The following SLC18A2 variants were observed in gnomAD, a reference collection of about 807,000 sequenced individuals.
SLC18A2 encodes solute carrier family 18 member A2, also known as synaptic vesicular amine transporter.
Under a neutral mutation model 59.2 loss-of-function variants are expected in SLC18A2, and 33 were observed. That is an observed-to-expected ratio of 0.56 (90% confidence interval 0.42 to 0.75). The LOEUF (loss-of-function observed/expected upper bound fraction) is 0.75. Among genes scored for constraint, SLC18A2 ranks in the 30% least tolerant of loss-of-function variants. SLC18A2 has a pLI of 0.00. For synonymous variants in SLC18A2, 228 were observed against 253.5 expected, an observed-to-expected ratio of 0.90 and a Z score of 0.95; for missense variants, 569 against 668.6, an observed-to-expected ratio of 0.85 and a Z score of 1.64.
rs1354793907 is a variant in SLC18A2, at chr10:117,254,076, C to T, written c.552C>T (p.Phe184=). 13 of 1,613,664 alleles carry T rather than the reference C, an allele frequency of 8.1e-6. No homozygotes were observed. In the African/African-American group the frequency reaches 1.5e-4, roughly 18 times the overall value. The stretch of plus-strand genomic sequence containing the variant: ...TTGCCTTCTCCAGCAGCTATGCCTT[C>T]CTGCTGATTGCCAGGTCGCTGCAGG... ...IMFAFSSSYA[F]LLIARSLQGI... is the part of the protein sequence containing the mutation. The change falls in exon 5 of 16, where the codon TTC becomes TTT. Residue 184 remains phenylalanine, a synonymous_variant. Coordinates refer to ENST00000644641, the MANE Select transcript of SLC18A2 (RefSeq NM_003054.6).
At chr10:117,253,228 A>G (rs891545741) in intron 3 of SLC18A2, among the ~76,000 whole-genome samples, 171 bp from the exon 4 acceptor site, 1 of 152,210 alleles carries the variant, frequency 6.6e-6, no homozygotes, top group African/African-American at 2.4e-5. Context: ...ACGTTCCAAG[A>G]CAGTCAAACA....
At position 117,277,756 on chromosome 10, in the gene SLC18A2, C is replaced by T. The variant is rs1201089652; in HGVS notation, c.*490C>T. 1 of 152,256 alleles carries T rather than the reference C, an allele frequency of 6.6e-6. No homozygotes were observed. Among genetic ancestry groups the T allele is most frequent in the Non-Finnish European group, 1.5e-5 (1 of 68,112 alleles). 9.4% of individuals were successfully genotyped at this position (152,256 alleles called of 1,614,324 possible). ...TATAGTGACACTGAATGTTATTTAA[C>T]TTGTAGTTACTATCAATATATTTAT... On this transcript the variant is annotated 3_prime_UTR_variant, in exon 16 of 16. Transcript: ENST00000644641.
chr10:117,254,391 C>A lies in SLC18A2; in HGVS notation c.608-14C>A, dbSNP rs1455096662. ...CCCGGAGCTGGCCTGTTGACTATTTCTTTCCCTGTGTAGGGATGGGCATGC... is the reference window on the plus strand; with the variant it reads ...CCCGGAGCTGGCCTGTTGACTATTTATTTCCCTGTGTAGGGATGGGCATGC... On this transcript the variant is annotated splice_polypyrimidine_tract_variant and intron_variant, in intron 5 of 15. Coordinates refer to ENST00000644641, the MANE Select transcript of SLC18A2 (RefSeq NM_003054.6). 1 of 1,559,592 alleles carries A rather than the reference C, an allele frequency of 6.4e-7. No homozygotes were observed. The highest frequency in any genetic ancestry group is 1.4e-5 in the African/African-American group (1 of 73,168).
At chr10:117,243,535 C>A (rs937757314) in intron 2 of SLC18A2, among the ~76,000 whole-genome samples, 5 of 152,328 alleles carry the variant, frequency 3.3e-5, no homozygotes, top group Admixed American at 2.6e-4. Context: ...AGACCTGTCA[C>A]CCTCTGGACC....
At chr10:117,245,911 C>T (rs184415656) in intron 3 of SLC18A2, among the ~76,000 whole-genome samples, 18 of 152,290 alleles carry the variant, frequency 1.2e-4, no homozygotes, top group African/African-American at 4.1e-4. Context: ...AAGCCATGTC[C>T]AGCCCTCTAG....
At chr10:117,256,552 T>C (rs1414455103) in intron 9 of SLC18A2, among the ~76,000 whole-genome samples, 1 of 152,204 alleles carries the variant, frequency 6.6e-6, no homozygotes, top group Non-Finnish European at 1.5e-5. Context: ...CACCAGTAGT[T>C]AAGTTCAGCC....
chr10:117,270,424 C>CT lies in SLC18A2; in HGVS notation c.1407dup (p.Leu470SerfsTer22). ...TTGATATTCTTTTTGCCCCTCTCTG[C>CT]TTTTTTCTTCGAAGTCCACCTGCCA... On this transcript the variant is annotated frameshift_variant, in exon 15 of 16. Transcript: ENST00000644641. LOFTEE classifies it high-confidence loss of function. 2.5e-6 allele frequency: 4 copies of CT among 1,613,990 alleles called. No homozygotes were observed. Among genetic ancestry groups the CT allele is most frequent in the Non-Finnish European group, 3.4e-6 (4 of 1,179,988 alleles).
At position 117,260,235 on chromosome 10, in the gene SLC18A2, C is replaced by G. The variant is rs928917257; in HGVS notation, c.991+2343C>G. Among the ~76,000 whole-genome samples, 63 of 152,170 alleles carry G rather than the reference C, an allele frequency of 4.1e-4. 1 individual carries two copies. The highest frequency in any genetic ancestry group is 4.1e-3 in the Admixed American group (63 of 15,276). ...AAACTGTCTCCTGCCAGGGTGAAGG[C>G]TGGAGTGCTAGGGGCCCCACTGCTC... is the stretch of plus-strand genomic sequence containing the variant. On this transcript the variant is annotated intron_variant, in intron 10 of 15. Coordinates refer to ENST00000644641, the MANE Select transcript of SLC18A2 (RefSeq NM_003054.6).
At chr10:117,250,564 C>T (rs965389335) in intron 3 of SLC18A2, among the ~76,000 whole-genome samples, 3 of 152,224 alleles carry the variant, frequency 2.0e-5, no homozygotes, top group Non-Finnish European at 2.9e-5. Context: ...TAGGCACAAA[C>T]GCTGTGGTTT....
At chr10:117,252,541 A>G (rs962838990) in intron 3 of SLC18A2, among the ~76,000 whole-genome samples, 1 of 152,162 alleles carries the variant, frequency 6.6e-6, no homozygotes, top group Non-Finnish European at 1.5e-5. Context: ...CTGTACCCTC[A>G]TGCCCCACCC....
At chr10:117,253,990 T>C in intron 4 of SLC18A2, 58 bp from the exon 5 acceptor site, 2 of 1,521,890 alleles carry the variant, frequency 1.3e-6, no homozygotes, top group Non-Finnish European at 1.8e-6. Context: ...CGTTCCTGTT[T>C]GGGACGGTTG....
chr10:117,252,885 T>C (rs1844180404), intron 3 of SLC18A2, among the ~76,000 whole-genome samples: 1 of 152,174 alleles, frequency 6.6e-6, no homozygotes. Context: ...ATTTGGATTT[T>C]GAAATTTTGC....
At chr10:117,255,556 G>T in intron 8 of SLC18A2, 34 bp downstream of exon 8, 1 of 1,614,132 alleles carries the variant, frequency 6.2e-7, no homozygotes, top group Non-Finnish European at 8.5e-7. Context: ...CTGGGGGAGG[G>T]GGCATGGTGC....
intron 15 of SLC18A2, 91 bp downstream of exon 15, chr10:117,270,554 C>T (rs557562885): frequency 3.5e-6 from 5 of 1,448,378 alleles, no homozygotes; most frequent in Non-Finnish European, 2.8e-6. Flanking sequence ...CTAAAGCCTT[C>T]AAACATAAAT....
At chr10:117,245,159 T>C (rs1245036337) in intron 3 of SLC18A2, among the ~76,000 whole-genome samples, 1 of 151,822 alleles carries the variant, frequency 6.6e-6, no homozygotes, top group Non-Finnish European at 1.5e-5. Flanking sequence ...GTGCAAGGAG[T>C]GGGAGCTGGT....
chr10:117,243,115 C>G (rs1185852974), intron 2 of SLC18A2, among the ~76,000 whole-genome samples: 1 of 150,752 alleles, frequency 6.6e-6, no homozygotes, highest in East Asian at 2.0e-4. Context: ...GATTCCCACT[C>G]ATAATAGAAG....
chr10:117,276,874 C>T (rs1157830309), intron 15 of SLC18A2, among the ~76,000 whole-genome samples: 2 of 152,140 alleles, frequency 1.3e-5, no homozygotes, highest in African/African-American at 2.4e-5. Context: ...ACCTAACCTG[C>T]CTGTCCCTTG....
intron 15 of SLC18A2, among the ~76,000 whole-genome samples, chr10:117,271,006 T>C (rs1844419497): frequency 6.6e-6 from 1 of 152,236 alleles, no homozygotes; most frequent in Non-Finnish European, 1.5e-5. Flanking sequence ...ACCAAAATTA[T>C]AGCCATAGGC....
Position 117,241,822 on chromosome 10 carries a change from C to G in SLC18A2, c.121+8C>G, listed in dbSNP as rs371054254. On this transcript the variant is annotated splice_region_variant and intron_variant, in intron 2 of 15. Transcript: ENST00000644641. ...TGCTGCTCACTGTCGTGGGTACGTG[C>G]GGACAGGGCACCCCTGCCCCGGCAC... The G allele has an allele frequency of 6.9e-6, 11 of 1,602,732 alleles. No individual in the cohort carries two copies. In the African/African-American group the frequency reaches 1.4e-4, roughly 20 times the overall value.
Sources: allele counts gnomAD v4.1 joint callset (sites outside exome capture counted in the v4.1 genomes callset), GRCh38; gene constraint gnomAD v4.1.1; transcripts MANE v1.5; gene names NCBI Gene and HGNC (gene_info 2026-07-23, HGNC 2026-07-21).